The following DIP2C variants were observed in gnomAD, a reference collection of about 807,000 sequenced individuals.
DIP2C encodes DIP2 acetate--CoA ligase C (putative), also known as disco-interacting protein 2 homolog C.
DIP2C carries 33 observed loss-of-function variants against 192.4 expected under a neutral mutation model. The ratio of observed to expected loss-of-function variants is 0.17; its 90% CI spans 0.13 to 0.23. The LOEUF is 0.23. DIP2C is among the 10% of genes least tolerant of loss of function. The pLI, the probability that DIP2C is intolerant of heterozygous loss-of-function variation, is 1.00. For missense variants in DIP2C, 1,537 were observed against 2,110.1 expected, an observed-to-expected ratio of 0.73 and a Z score of 5.32; for synonymous variants, 979 against 864.1, an observed-to-expected ratio of 1.13 and a Z score of -2.33.
intron 17 of DIP2C, among the ~76,000 whole-genome samples, chr10:372,959 C>T (rs972714411): frequency 2.0e-5 from 3 of 152,270 alleles, no homozygotes; most frequent in African/African-American, 4.8e-5. Context: ...GGGTACCCTC[C>T]GTGTGCCAAA....
chr10:590,704 A>C (rs368053114), intron 1 of DIP2C, among the ~76,000 whole-genome samples: 1 of 152,322 alleles, frequency 6.6e-6, no homozygotes, highest in East Asian at 1.9e-4. Context: ...TACTTTACAT[A>C]TCTTCACTTA....
intron 2 of DIP2C, among the ~76,000 whole-genome samples, chr10:479,870 C>T (rs572567816): frequency 3.3e-5 from 5 of 151,444 alleles, no homozygotes; most frequent in South Asian, 2.1e-4. Flanking sequence ...GCCTGAGAGC[C>T]GGTTCACGCT....
chr10:423,885 A>G (rs1338058894), intron 4 of DIP2C, among the ~76,000 whole-genome samples: 1 of 152,146 alleles, frequency 6.6e-6, no homozygotes, highest in Non-Finnish European at 1.5e-5. Context: ...TTTACACTCA[A>G]ATCAATTCAC....
Position 422,912 on chromosome 10 carries a change from G to C in DIP2C, c.516C>G (p.Thr172=). The stretch of plus-strand genomic sequence containing the variant: ...TAGAGGACGAGGAGGTGGTGGACGT[G>C]GTGGAGCCGTGGATGGCCTGGCTGA... The part of the protein sequence containing the change: ...HWISQAIHGS[T]TSTTSSSSTQ... Residue 172 remains threonine (T), a synonymous_variant, in exon 5 of 37, where the codon ACC becomes ACG. Transcript: ENST00000280886. The C allele has an allele frequency of 6.2e-7, 1 of 1,614,032 alleles. No homozygotes were observed. The highest frequency in any genetic ancestry group is 2.2e-5 in the East Asian group (1 of 44,878).
rs1343937590 is a variant in DIP2C at position 381,659 on chromosome 10, TTCTG to T, written c.1991+984_1991+987del. ...GGGAGACACGTCCTGCTCTTGTTATTTCTGTCTGTGTCCTGGTCAATGCCTGCCC... is the reference window on the plus strand; with the variant it reads ...GGGAGACACGTCCTGCTCTTGTTATTTCTGTGTCCTGGTCAATGCCTGCCC... On this transcript the variant is annotated intron_variant, in intron 17 of 36. Transcript: ENST00000280886. 3.3e-5 allele frequency among the ~76,000 whole-genome samples: 5 copies of T among 152,306 alleles called. No homozygotes were observed. In the South Asian group the frequency reaches 8.3e-4, roughly 25 times the overall value.
At chr10:641,107 C>G (rs1855171335) in intron 1 of DIP2C, among the ~76,000 whole-genome samples, 1 of 149,102 alleles carries the variant, frequency 6.7e-6, no homozygotes, top group African/African-American at 2.5e-5. Flanking sequence ...AAAATAGGTC[C>G]AAGATCATTC....
intron 10 of DIP2C, among the ~76,000 whole-genome samples, chr10:393,209 G>C (rs1963637692): frequency 6.6e-6 from 1 of 152,178 alleles, no homozygotes; most frequent in African/African-American, 2.4e-5. Context: ...GTTCTCATCA[G>C]GGTCTTTATT....
intron 32 of DIP2C, among the ~76,000 whole-genome samples, 177 bp from the exon 33 acceptor site, chr10:288,598 G>A (rs1381861490): frequency 1.3e-5 from 2 of 152,208 alleles, no homozygotes; most frequent in African/African-American, 4.8e-5. Flanking sequence ...AACTGAACCC[G>A]AAGCGAGGGC....
At chr10:486,154 A>G (rs946101552) in intron 2 of DIP2C, among the ~76,000 whole-genome samples, 3 of 152,094 alleles carry the variant, frequency 2.0e-5, no homozygotes, top group Admixed American at 6.6e-5. Flanking sequence ...TCTAAACCAA[A>G]TATGTTGAAA....
chr10:512,501 G>C (rs967469180), intron 1 of DIP2C, among the ~76,000 whole-genome samples: 1 of 151,850 alleles, frequency 6.6e-6, no homozygotes, highest in Non-Finnish European at 1.5e-5. Context: ...CCTGAGAGGT[G>C]ATCACCCAGG....
chr10:526,839 G>A (rs184767231), intron 1 of DIP2C, among the ~76,000 whole-genome samples: 62 of 152,290 alleles, frequency 4.1e-4, no homozygotes, highest in Middle Eastern at 6.8e-3. Flanking sequence ...AACTGGTGCC[G>A]TGCTCTGAGG....
chr10:321,506 G>T (rs1423413304), intron 31 of DIP2C, among the ~76,000 whole-genome samples: 1 of 149,980 alleles, frequency 6.7e-6, no homozygotes, highest in African/African-American at 2.5e-5. Flanking sequence ...TCCCCCACCA[G>T]AGTGCACAGT....
intron 29 of DIP2C, among the ~76,000 whole-genome samples, chr10:329,912 CTT>C (rs1388826951): frequency 6.6e-6 from 1 of 152,112 alleles, no homozygotes; most frequent in African/African-American, 2.4e-5. Context: ...ACTGGATCCT[CTT>C]TCTTAGTAGA....
chr10:645,218 G>A (rs1430690369), intron 1 of DIP2C, among the ~76,000 whole-genome samples: 2 of 152,200 alleles, frequency 1.3e-5, no homozygotes, highest in Non-Finnish European at 2.9e-5. Flanking sequence ...TGGCATGAAC[G>A]TTCCAGAGCT....
Position 654,827 on chromosome 10 carries a change from T to C in DIP2C, c.85+34667A>G, listed in dbSNP as rs191109412. Among the ~76,000 whole-genome samples, 486 of 152,344 alleles carry C rather than the reference T, an allele frequency of 3.2e-3. 2 individuals carry two copies. Among genetic ancestry groups the C allele is most frequent in the African/African-American group, 0.011 (440 of 41,576 alleles). On this transcript the variant is annotated intron_variant, in intron 1 of 36. Coordinates refer to ENST00000280886, the MANE Select transcript of DIP2C (RefSeq NM_014974.3). ...CATGCTGCGCGAGGCTACTATTCTA[T>C]ACTACACTACTATGATCGGTTTGTT...
chr10:395,819 C>T (rs1963943184), intron 10 of DIP2C, among the ~76,000 whole-genome samples: 1 of 152,218 alleles, frequency 6.6e-6, no homozygotes. Context: ...CCCGTGTCCT[C>T]ATCACATGCA....
At chr10:338,537 T>C (rs1185675081) in intron 29 of DIP2C, among the ~76,000 whole-genome samples, 4 of 152,124 alleles carry the variant, frequency 2.6e-5, no homozygotes, top group Non-Finnish European at 5.9e-5. Context: ...CCCACAGCAT[T>C]CAGTGCACTA....
intron 35 of DIP2C, among the ~76,000 whole-genome samples, chr10:282,984 G>A (rs1954914481): frequency 6.6e-6 from 1 of 152,230 alleles, no homozygotes; most frequent in South Asian, 2.1e-4. Flanking sequence ...CTTTGCTGTG[G>A]GTGACACTGC....
Position 650,386 on chromosome 10 carries a change from G to A in DIP2C, c.85+39108C>T, listed in dbSNP as rs778469670. ...CTGTGGATAACGCCAGCCCACGGCA[G>A]CCACACGCCCCAGACCAACACGAGA... is the stretch of plus-strand genomic sequence containing the variant. On this transcript the variant is annotated intron_variant, in intron 1 of 36. Coordinates refer to ENST00000280886, the MANE Select transcript of DIP2C (RefSeq NM_014974.3). The A allele has an allele frequency of 5.3e-5, 38 of 716,530 alleles. No homozygotes were observed. The African/African-American group carries it at 6.5e-4, about 12-fold the overall frequency. 44.4% of individuals were successfully genotyped at this position (716,530 alleles called of 1,614,324 possible). A position where few individuals can be genotyped will look rare whatever the true frequency, so the allele number is the denominator to read the frequency against.
Sources: gnomAD v4.1 joint callset for allele counts (sites outside exome capture counted in the v4.1 genomes callset) on GRCh38, gnomAD v4.1.1 for gene constraint, MANE v1.5 for transcripts, NCBI Gene and HGNC (gene_info 2026-07-23, HGNC 2026-07-21) for gene names.